The following TP63 variants were observed in gnomAD, a reference collection of about 807,000 sequenced individuals.
TP63 encodes tumor protein p63.
Under a neutral mutation model 82.8 loss-of-function variants are expected in TP63, and 17 were observed. That is an observed-to-expected ratio of 0.21 (90% CI 0.14 to 0.31). TP63 has a LOEUF of 0.31. Ranked by LOEUF, TP63 falls within the 10% of genes least tolerant of loss-of-function variation. The probability of loss-of-function intolerance (pLI) is 1.00; values close to 1 mark genes in which losing one functional copy is unlikely to be tolerated. For synonymous variants in TP63, 330 were observed against 321.7 expected, an observed-to-expected ratio of 1.03 and a Z score of -0.28; for missense variants, 648 against 895.3, an observed-to-expected ratio of 0.72 and a Z score of 3.52.
chr3:189,601,061 A>G, the TP63 span, among the ~76,000 whole-genome samples: 2 of 152,184 alleles, frequency 1.3e-5, no homozygotes, highest in South Asian at 2.1e-4. Context: ...AAAAGCTTAC[A>G]CTTCATTTTC....
chr3:189,892,960 C>T (rs1420417855), intron 13 of TP63, among the ~76,000 whole-genome samples: 3 of 152,068 alleles, frequency 2.0e-5, no homozygotes, highest in African/African-American at 7.2e-5. Flanking sequence ...TGTTGGGAAG[C>T]TGTGCAATTT....
intron 4 of TP63, among the ~76,000 whole-genome samples, chr3:189,862,250 T>C (rs1467049915): frequency 1.3e-5 from 2 of 152,186 alleles, no homozygotes; most frequent in Non-Finnish European, 2.9e-5. Flanking sequence ...AATACCTTCC[T>C]CTTAGGGTTG....
intron 4 of TP63, among the ~76,000 whole-genome samples, chr3:189,842,908 C>G (rs976732705): frequency 6.6e-6 from 1 of 152,178 alleles, no homozygotes; most frequent in African/African-American, 2.4e-5. Flanking sequence ...AATGATATTA[C>G]TGGTCAGGTG....
chr3:189,738,691 T>G lies in TP63; in HGVS notation c.241T>G (p.Ser81Ala). The change falls in exon 3 of 14, where the codon TCA (serine) becomes GCA (alanine). Residue 81 changes from serine (S) to alanine (A), a missense_variant. Coordinates refer to ENST00000264731, the MANE Select transcript of TP63 (RefSeq NM_003722.5). ...TGACTTGAACTTTGTGGATGAACCA[T>G]CAGAAGATGGTGCGACAAACAAGAT... is the stretch of plus-strand genomic sequence containing the variant. ...PIDLNFVDEP[S>A]EDGATNKIEI... The G allele has an allele frequency of 1.2e-6, 2 of 1,614,162 alleles. No individual in the cohort carries two copies. The highest frequency in any genetic ancestry group is 1.7e-6 in the Non-Finnish European group (2 of 1,180,012).
At chr3:189,721,190 A>G (rs4687090) in intron 1 of TP63, among the ~76,000 whole-genome samples, 81,239 of 151,974 alleles carry the variant, frequency 0.53, 21,895 homozygotes, top group Middle Eastern at 0.66. Context: ...TCTTTACCAG[A>G]AGTCGTGAAT....
In TP63 at chr3:189,669,440, T is replaced by A. The variant is rs1444549603; in HGVS notation, c.62+37863T>A. The stretch of plus-strand genomic sequence containing the variant: ...GACAAAAACTCAAACCTACAGGAAA[T>A]AATAGGGGACATAAGAAATGATAAA... On this transcript the variant is annotated intron_variant, in intron 1 of 13. Transcript: ENST00000264731. 4.0e-5 allele frequency among the ~76,000 whole-genome samples: 6 copies of A among 151,064 alleles called. No homozygotes were observed. The East Asian group carries it at 1.2e-3, about 29-fold the overall frequency.
chr3:189,804,821 C>T (rs1033073969), intron 3 of TP63, among the ~76,000 whole-genome samples: 2 of 152,150 alleles, frequency 1.3e-5, no homozygotes, highest in African/African-American at 4.8e-5. Flanking sequence ...CAGGAAAAGA[C>T]AACGGAGTAT....
At chr3:189,598,633 C>A in the TP63 span, among the ~76,000 whole-genome samples, 2 of 152,146 alleles carry the variant, frequency 1.3e-5, no homozygotes, top group Admixed American at 6.5e-5. Context: ...GGATATCAGC[C>A]CGATAACAGA....
chr3:189,767,236 C>CT (rs1463233671), intron 3 of TP63, among the ~76,000 whole-genome samples: 1 of 151,836 alleles, frequency 6.6e-6, no homozygotes, highest in Non-Finnish European at 1.5e-5. Context: ...GATTCTTTTC[C>CT]TTTTTTATTT....
chr3:189,789,729 C>CAGTG, intron 3 of TP63: 5 of 1,482,486 alleles, frequency 3.4e-6, no homozygotes, highest in African/African-American at 1.4e-5. Context: ...GTAAGGGTCT[C>CAGTG]GGGGTGGGGG....
At chr3:189,792,873 T>C (rs1725299877) in intron 3 of TP63, among the ~76,000 whole-genome samples, 1 of 152,094 alleles carries the variant, frequency 6.6e-6, no homozygotes, top group Admixed American at 6.6e-5. Context: ...AATTGACTTC[T>C]TTGTCTGCTT....
intron 1 of TP63, among the ~76,000 whole-genome samples, chr3:189,642,238 A>G (rs191379131): frequency 2.1e-4 from 32 of 152,314 alleles, no homozygotes; most frequent in African/African-American, 7.0e-4. Flanking sequence ...CGTATTAACT[A>G]CGGAAACCAC....
chr3:189,765,244 C>G (rs1419416850), intron 3 of TP63, among the ~76,000 whole-genome samples: 1 of 17,512 alleles, frequency 5.7e-5, no homozygotes, highest in African/African-American at 1.4e-4. Flanking sequence ...GAATATAGAG[C>G]AGAAAAAAAA....
intron 10 of TP63, chr3:189,880,457 G>T: frequency 9.5e-7 from 1 of 1,055,828 alleles, no homozygotes; most frequent in Non-Finnish European, 1.1e-6. Flanking sequence ...TGAGCTTTCT[G>T]TTGTTTCCTG....
rs566090833 is a variant in TP63, at chr3:189,824,224, A to T, written c.579+15698A>T. 3.8e-3 allele frequency among the ~76,000 whole-genome samples: 563 copies of T among 149,192 alleles called. 5 individuals carry two copies. The highest frequency in any genetic ancestry group is 0.011 in the African/African-American group (443 of 40,684). ...ATTTATTTATTTTATTATTATTATTATTTTTTTTTTGAGACAGAGTCTCGC... is the reference window on the plus strand; with the variant it reads ...ATTTATTTATTTTATTATTATTATTTTTTTTTTTTTGAGACAGAGTCTCGC... On this transcript the variant is annotated intron_variant, in intron 4 of 13. Coordinates refer to ENST00000264731, the MANE Select transcript of TP63 (RefSeq NM_003722.5).
chr3:189,676,434 A>G (rs28407489), intron 1 of TP63, among the ~76,000 whole-genome samples: 77,549 of 151,904 alleles, frequency 0.51, 19,963 homozygotes, highest in African/African-American at 0.58. Context: ...TGCCTGGTTT[A>G]CTTCACTTAG....
At chr3:189,783,988 T>A (rs1281126520) in intron 3 of TP63, among the ~76,000 whole-genome samples, 2 of 151,882 alleles carry the variant, frequency 1.3e-5, no homozygotes, top group African/African-American at 4.8e-5. Context: ...TAAAAAAAAA[T>A]TATATTGCAT....
At chr3:189,744,238 C>T (rs1316276499) in intron 3 of TP63, among the ~76,000 whole-genome samples, 2 of 152,308 alleles carry the variant, frequency 1.3e-5, no homozygotes, top group Middle Eastern at 3.4e-3. Context: ...TCTCACTGCC[C>T]GCAGCTGCTG....
intron 3 of TP63, among the ~76,000 whole-genome samples, chr3:189,779,243 C>CG (rs1724047355): frequency 6.6e-6 from 1 of 152,132 alleles, no homozygotes; most frequent in Non-Finnish European, 1.5e-5. Flanking sequence ...CCCTTTGTGA[C>CG]ATTATTACAA....
Sources: allele counts gnomAD v4.1 joint callset (sites outside exome capture counted in the v4.1 genomes callset), GRCh38; gene constraint gnomAD v4.1.1; transcripts MANE v1.5; gene names NCBI Gene and HGNC (gene_info 2026-07-23, HGNC 2026-07-21).